The following HCFC2 variants were observed in gnomAD, a reference collection of about 807,000 sequenced individuals.
HCFC2 encodes host cell factor 2.
HCFC2 carries 18 observed loss-of-function variants against 89.2 expected under a neutral mutation model. The ratio of observed to expected loss-of-function variants is 0.20; its 90% CI spans 0.14 to 0.30. HCFC2 has a LOEUF of 0.30. Ranked by LOEUF, HCFC2 falls within the 10% of genes least tolerant of loss-of-function variation. The probability of loss-of-function intolerance (pLI) is 1.00; values close to 1 mark genes in which losing one functional copy is unlikely to be tolerated. For missense variants in HCFC2, 578 were observed against 956.1 expected (o/e 0.60, Z 5.21); for synonymous variants, 308 against 335.7 (o/e 0.92, Z 0.90).
intron 7 of HCFC2, among the ~76,000 whole-genome samples, chr12:104,086,066 C>T (rs1215526676): frequency 1.3e-5 from 2 of 148,202 alleles, no homozygotes; most frequent in Admixed American, 6.8e-5. Context: ...GTTGCGACCT[C>T]GGCTCACTGC....
Position 104,103,097 on chromosome 12 carries a change from T to G in HCFC2, c.2203T>G (p.Cys735Gly), listed in dbSNP as rs1322809745. The G allele has an allele frequency of 6.2e-7, 1 of 1,614,130 alleles. No homozygotes were observed. The highest frequency in any genetic ancestry group is 8.5e-7 in the Non-Finnish European group (1 of 1,179,962). ...PSQLVFMRIYCGLKTSCIVTA... is the reference protein window; with the variant it reads ...PSQLVFMRIYGGLKTSCIVTA... Reference sequence around the variant, plus strand: ...TCAACTTGTGTTCATGAGGATTTATTGTGGTCTTAAGACATCATGTATAGT... The same window carrying G: ...TCAACTTGTGTTCATGAGGATTTATGGTGGTCTTAAGACATCATGTATAGT... The change falls in exon 15 of 15, where the codon TGT (cysteine) becomes GGT (glycine). Residue 735 changes from cysteine (C) to glycine (G), a missense_variant. Cys to Gly is a radical substitution (Grantham distance 159, BLOSUM62 -3). Coordinates refer to ENST00000229330, the MANE Select transcript of HCFC2 (RefSeq NM_013320.3).
chr12:104,099,022 A>G (rs1463689484), intron 13 of HCFC2, among the ~76,000 whole-genome samples: 2 of 152,020 alleles, frequency 1.3e-5, no homozygotes, highest in African/African-American at 2.4e-5. Flanking sequence ...AAAAAGAAAT[A>G]TCTGAGACTG....
chr12:104,091,866 G>GAT (rs1011145800), intron 9 of HCFC2, among the ~76,000 whole-genome samples: 29 of 152,208 alleles, frequency 1.9e-4, no homozygotes, highest in African/African-American at 5.3e-4. Context: ...AGAGTTTATG[G>GAT]ATATATATAG....
At chr12:104,082,950 C>T in intron 7 of HCFC2, 49 bp downstream of exon 7, 1 of 1,355,648 alleles carries the variant, frequency 7.4e-7, no homozygotes, top group South Asian at 1.4e-5. Context: ...GGTAAGCACT[C>T]AAATGTCTGC....
chr12:104,077,069 T>A (rs1883515788), intron 3 of HCFC2, among the ~76,000 whole-genome samples: 1 of 152,170 alleles, frequency 6.6e-6, no homozygotes, highest in South Asian at 2.1e-4. Flanking sequence ...GAACTGTCAG[T>A]TTATATCTTT....
At chr12:104,066,448 AAC>A (rs373407028) in intron 2 of HCFC2, 133 bp downstream of exon 2, 8 of 528,460 alleles carry the variant, frequency 1.5e-5, no homozygotes, top group East Asian at 5.3e-5. Flanking sequence ...TATTCAAGTA[AAC>A]TATTATTCAA....
chr12:104,083,129 G>A (rs1397634923), intron 7 of HCFC2, among the ~76,000 whole-genome samples: 1 of 152,160 alleles, frequency 6.6e-6, no homozygotes, highest in Non-Finnish European at 1.5e-5. Flanking sequence ...AGTATGGAAA[G>A]GGAAAATAGT....
In HCFC2 at chr12:104,079,641, C is replaced by A. The variant is rs749438311; in HGVS notation, c.670C>A (p.Gln224Lys). The change falls in exon 4 of 15, where the codon CAG becomes AAG. Residue 224 changes from glutamine to lysine, a missense_variant. This residue lies in a region of HCFC2 where 206 missense variants were observed against 419.2 expected (regional missense o/e 0.49). Coordinates refer to ENST00000229330, the MANE Select transcript of HCFC2 (RefSeq NM_013320.3). Reference sequence around the variant, plus strand: ...TGGTGCTCGCCTGGATGACCTATGGCAGCTTGACTTAGGTAAGTTTAACTT... The same window carrying A: ...TGGTGCTCGCCTGGATGACCTATGGAAGCTTGACTTAGGTAAGTTTAACTT... Reference protein sequence around the residue: ...MCGARLDDLWQLDLETMSWSK... With the variant: ...MCGARLDDLWKLDLETMSWSK... 3 of 1,613,598 alleles carry A rather than the reference C, an allele frequency of 1.9e-6. No homozygotes were observed. In the South Asian group the frequency reaches 3.3e-5, roughly 18 times the overall value.
chr12:104,103,627 G>T lies in HCFC2; in HGVS notation c.*354G>T, dbSNP rs2030012887. ...GAGATGATTCTGGTAACTGGCTGTT[G>T]TATACTATGCTGTCTTATATAGTAA... is the stretch of plus-strand genomic sequence containing the variant. On this transcript the variant is annotated 3_prime_UTR_variant, in exon 15 of 15. Coordinates refer to ENST00000229330, the MANE Select transcript of HCFC2 (RefSeq NM_013320.3). 7 of 231,598 alleles carry T rather than the reference G, an allele frequency of 3.0e-5. No individual in the cohort carries two copies. In the South Asian group the frequency reaches 5.0e-4, roughly 17 times the overall value. The allele number at this position is 231,598 out of a possible 1,614,324, so 14.3% of individuals were successfully genotyped here. A position where few individuals can be genotyped will look rare whatever the true frequency, so the allele number is the denominator to read the frequency against.
rs541617547 is a variant in HCFC2, at chr12:104,082,542, T to C, written c.810T>C (p.Asn270=). 5.0e-6 allele frequency: 8 copies of C among 1,613,770 alleles called. No homozygotes were observed. The South Asian group carries it at 8.8e-5, about 18-fold the overall frequency. ...GATGGGTCCCACATAAGGGGGAAAA[T>C]ACTGAGACTTCACCTCATGATTGTG... ...FGGWVPHKGE[N]TETSPHDCEW... is the part of the protein sequence containing the mutation. The change falls in exon 6 of 15, where the codon AAT becomes AAC. Residue 270 remains asparagine, a synonymous_variant. Transcript: ENST00000229330.
chr12:104,066,690 T>A (rs1244848621), intron 2 of HCFC2, among the ~76,000 whole-genome samples: 8 of 152,244 alleles, frequency 5.3e-5, no homozygotes, highest in Admixed American at 4.6e-4. Context: ...CTGGAGAACC[T>A]GTGAAAACAC....
chr12:104,093,681 C>A, intron 10 of HCFC2, 118 bp downstream of exon 10: 1 of 770,156 alleles, frequency 1.3e-6, no homozygotes, highest in East Asian at 2.7e-5. Flanking sequence ...AAAAAACTGC[C>A]ATATTCAACC....
At chr12:104,100,599 A>G (rs1395625154) in intron 13 of HCFC2, among the ~76,000 whole-genome samples, 1 of 151,982 alleles carries the variant, frequency 6.6e-6, no homozygotes, top group Non-Finnish European at 1.5e-5. Context: ...TAAATGGACA[A>G]TTTCTGAGAG....
Position 104,064,565 on chromosome 12 carries a change from C to A in HCFC2, c.5C>A (p.Ala2Glu). The change falls in exon 1 of 15, where the codon GCG becomes GAG. Residue 2 changes from alanine (A) to glutamate (E), a missense_variant. Around this residue, in one of 4 missense-constraint regions of HCFC2, gnomAD observed 22 missense variants for 18.7 expected, o/e 1.18. Coordinates refer to ENST00000229330, the MANE Select transcript of HCFC2 (RefSeq NM_013320.3). This position sits in a 1 kb window ranked among gnomAD's most constrained non-coding sequence, Gnocchi z 7.3. ...AGAGGGGCGGGGGTTGGGAAGATGG[C>A]GGCTCCCAGCCTCCTCAACTGGAGG... M[A>E]APSLLNWRRV... 6.6e-7 allele frequency: 1 copy of A among 1,521,410 alleles called. No individual in the cohort carries two copies. Among genetic ancestry groups the A allele is most frequent in the South Asian group, 1.2e-5 (1 of 81,728 alleles). 94.2% of individuals were successfully genotyped at this position (1,521,410 alleles called of 1,614,324 possible).
At chr12:104,078,490 CA>C (rs1159903809) in intron 3 of HCFC2, among the ~76,000 whole-genome samples, 1 of 152,088 alleles carries the variant, frequency 6.6e-6, no homozygotes, top group Non-Finnish European at 1.5e-5. Context: ...CTCAAAACTT[CA>C]AAACATCCAT....
At chr12:104,077,074 A>G (rs185139029) in intron 3 of HCFC2, among the ~76,000 whole-genome samples, 362 of 152,126 alleles carry the variant, frequency 2.4e-3, no homozygotes, top group South Asian at 3.9e-3. Context: ...GTCAGTTTAT[A>G]TCTTTTTATC....
intron 9 of HCFC2, among the ~76,000 whole-genome samples, chr12:104,089,377 A>G (rs1340356263): frequency 6.6e-6 from 1 of 152,052 alleles, no homozygotes; most frequent in Non-Finnish European, 1.5e-5. Context: ...TTAGCCGGGC[A>G]TGGTGGCGGG....
At chr12:104,101,378 G>A (rs1029895852) in intron 13 of HCFC2, among the ~76,000 whole-genome samples, 4 of 151,962 alleles carry the variant, frequency 2.6e-5, no homozygotes, top group Non-Finnish European at 5.9e-5. Flanking sequence ...TCAGCTACTC[G>A]GGAGGCTGAG....
chr12:104,065,784 T>G (rs1263484201), intron 1 of HCFC2, among the ~76,000 whole-genome samples: 2 of 152,166 alleles, frequency 1.3e-5, no homozygotes. Context: ...AGCCTCACAA[T>G]TTTCAGTTGT....
Sources: allele counts gnomAD v4.1 joint callset (sites outside exome capture counted in the v4.1 genomes callset), GRCh38; gene constraint gnomAD v4.1.1; regional missense constraint gnomAD v4.1.1; non-coding constraint Gnocchi (gnomAD v3.1); transcripts MANE v1.5; gene names NCBI Gene and HGNC (gene_info 2026-07-23, HGNC 2026-07-21).